Variants in DHX37 observed in about 807,000 individuals in gnomAD.
DHX37 encodes DEAH-box helicase 37, also known as probable ATP-dependent RNA helicase DHX37.
In DHX37, 52 loss-of-function variants were observed where a neutral mutation model predicts 134.3. That is an observed-to-expected ratio of 0.39 (90% CI 0.31 to 0.49). The LOEUF is 0.49. Among genes scored for constraint, DHX37 ranks in the 20% least tolerant of loss-of-function variants. The pLI is 0.93. For synonymous variants in DHX37, 634 were observed against 670.7 expected, an observed-to-expected ratio of 0.95 and a Z score of 0.85; for missense variants, 1,344 against 1,580.8, an observed-to-expected ratio of 0.85 and a Z score of 2.54.
intron 5 of DHX37, among the ~76,000 whole-genome samples, chr12:124,976,614 G>C (rs1408617341): frequency 6.6e-6 from 1 of 152,146 alleles, no homozygotes; most frequent in Non-Finnish European, 1.5e-5. Flanking sequence ...CGGATCACGA[G>C]GTCAGGAGAT....
At chr12:124,964,678 C>T (rs188523674) in intron 14 of DHX37, 52 bp from the exon 15 acceptor site, 7 of 1,598,704 alleles carry the variant, frequency 4.4e-6, no homozygotes, top group African/African-American at 4.1e-5. Context: ...GAAAAGAAAT[C>T]GTGGAATGGA....
At chr12:124,964,902 A>G (rs1207058495) in intron 14 of DHX37, 28 bp downstream of exon 14, 1 of 1,569,548 alleles carries the variant, frequency 6.4e-7, no homozygotes, top group Admixed American at 2.0e-5. Flanking sequence ...AGTGCCCCAA[A>G]AGCTGGGCAC....
intron 13 of DHX37, among the ~76,000 whole-genome samples, chr12:124,965,216 C>T (rs1011548187): frequency 4.6e-5 from 7 of 152,318 alleles, no homozygotes; most frequent in African/African-American, 7.2e-5. Context: ...TGCCCTGAAC[C>T]GGATCTGAAC....
intron 9 of DHX37, 50 bp downstream of exon 9, chr12:124,968,817 G>T (rs761072555): frequency 1.2e-6 from 2 of 1,609,930 alleles, no homozygotes; most frequent in Non-Finnish European, 1.7e-6. Context: ...CCGACACCAG[G>T]GCGTCCTTGT....
rs191581032 is a variant in DHX37, at chr12:124,988,981, C to T, written c.42G>A (p.Gln14=). ...LRRRYNIKGR[Q]QAGPGPSKGP... ...CCTTCGAGGGTCCGGGGCCCGCCTGCTGGCGCCCCTTGATGTTGTAGCGCC... is the reference window on the plus strand; with the variant it reads ...CCTTCGAGGGTCCGGGGCCCGCCTGTTGGCGCCCCTTGATGTTGTAGCGCC... The change falls in exon 1 of 27, where the codon CAG becomes CAA. Residue 14 remains glutamine (Q), a synonymous_variant. Coordinates refer to ENST00000308736, the MANE Select transcript of DHX37 (RefSeq NM_032656.4). 1.5e-4 allele frequency: 200 copies of T among 1,359,286 alleles called. No individual in the cohort carries two copies. In the East Asian group the frequency reaches 4.1e-3, roughly 28 times the overall value. The allele number at this position is 1,359,286 out of a possible 1,614,324, so 84.2% of individuals were successfully genotyped here. A position where few individuals can be genotyped will look rare whatever the true frequency, so the allele number is the denominator to read the frequency against.
chr12:124,983,671 G>A (rs1954802728), intron 2 of DHX37, among the ~76,000 whole-genome samples: 1 of 151,684 alleles, frequency 6.6e-6, no homozygotes, highest in Non-Finnish European at 1.5e-5. Context: ...TGTGGTACCA[G>A]CTACCCGGGA....
Position 124,980,522 on chromosome 12 carries a change from A to C in DHX37, c.706T>G (p.Phe236Val). Residue 236 changes from phenylalanine to valine, a missense_variant, in exon 4 of 27, where the codon TTC becomes GTC. Around this residue, in one of 7 missense-constraint regions of DHX37, gnomAD observed 77 missense variants for 121.6 expected, o/e 0.63. Transcript: ENST00000308736. The surrounding 1 kb of genome is among the most constrained non-coding windows in gnomAD (Gnocchi z 5.3). ...LPRALAKPAV[F>V]IPVNRSPEMQ... is the part of the protein sequence containing the mutation. ...TCCGGGGAGCGGTTCACGGGGATGA[A>C]GACGGCGGGCTTAGCCAGGGCCCTG... The C allele has an allele frequency of 6.2e-7, 1 of 1,611,588 alleles. No individual in the cohort carries two copies.
chr12:124,979,184 T>C (rs1177634768), intron 4 of DHX37, among the ~76,000 whole-genome samples: 1 of 152,092 alleles, frequency 6.6e-6, no homozygotes, highest in Non-Finnish European at 1.5e-5. Flanking sequence ...CTGGGCAACA[T>C]GGCAAAACCC....
rs781443402 is a variant in DHX37 at position 124,960,463 on chromosome 12, C to A, written c.2046-40G>T. On this transcript the variant is annotated intron_variant, in intron 15 of 26. Transcript: ENST00000308736. ...ACCGGGACAACAAACACAAAACTCACACCAAAAACCACAGATGAATACAGC... is the reference window on the plus strand; with the variant it reads ...ACCGGGACAACAAACACAAAACTCAAACCAAAAACCACAGATGAATACAGC... The A allele has an allele frequency of 2.5e-6, 4 of 1,600,182 alleles. No individual in the cohort carries two copies. In the South Asian group the frequency reaches 4.4e-5, roughly 18 times the overall value.
chr12:124,959,383 AT>A lies in DHX37; in HGVS notation c.2157+928del, dbSNP rs35713321. On this transcript the variant is annotated intron_variant, in intron 16 of 26. Transcript: ENST00000308736. Reference sequence around the variant, plus strand: ...CCACCACGCCCAGCCTCCCTGGCTAATTTTTTTTTTTGTATTTTTAGTAGAG... The same window carrying A: ...CCACCACGCCCAGCCTCCCTGGCTAATTTTTTTTTTGTATTTTTAGTAGAG... 3.1e-3 allele frequency among the ~76,000 whole-genome samples: 459 copies of A among 148,412 alleles called. 3 individuals carry two copies. The highest frequency in any genetic ancestry group is 0.01 in the African/African-American group (415 of 40,518).
At chr12:124,968,775 CCT>C in intron 9 of DHX37, 90 bp downstream of exon 9, 4 of 1,596,988 alleles carry the variant, frequency 2.5e-6, no homozygotes, top group Middle Eastern at 1.7e-4. Context: ...GTCAATCCCC[CCT>C]GTGACCAAGT....
rs201028583 is a variant in DHX37, at chr12:124,982,669, C to T, written c.277-46G>A. 3.2e-5 allele frequency: 51 copies of T among 1,598,140 alleles called. No homozygotes were observed. In the East Asian group the frequency reaches 1.1e-3, roughly 35 times the overall value. On this transcript the variant is annotated intron_variant, in intron 2 of 26. Coordinates refer to ENST00000308736, the MANE Select transcript of DHX37 (RefSeq NM_032656.4). The stretch of plus-strand genomic sequence containing the variant: ...ATTATGCATTTGCCATCACGACCCT[C>T]TCTTAAGAAGGGAAGTGAGACTGTA...
chr12:124,975,389 T>C (rs771250469), intron 6 of DHX37, 30 bp downstream of exon 6: 12 of 1,608,588 alleles, frequency 7.5e-6, no homozygotes, highest in East Asian at 2.2e-5. Flanking sequence ...GACCACCCCA[T>C]AGTCCGCCCC....
chr12:124,970,220 C>T (rs558912623), intron 8 of DHX37, among the ~76,000 whole-genome samples: 117 of 152,290 alleles, frequency 7.7e-4, no homozygotes, highest in African/African-American at 2.4e-3. Context: ...GTGATCCACC[C>T]GCCTCAGCAT....
At chr12:124,958,910 CTT>C (rs35528941) in intron 16 of DHX37, among the ~76,000 whole-genome samples, 16,175 of 122,274 alleles carry the variant, frequency 0.13, 2,214 homozygotes, top group African/African-American at 0.37. Context: ...ATGCACCCAG[CTT>C]TTTTTTTTTT....
In DHX37 at chr12:124,975,308, T is replaced by G. The variant is rs899494949; in HGVS notation, c.980+111A>C. ...CCAGTGCTACATGCAGAGGTGACAC[T>G]CCACCCAGCACCCTCGGCACAGATG... On this transcript the variant is annotated intron_variant, in intron 6 of 26. Coordinates refer to ENST00000308736, the MANE Select transcript of DHX37 (RefSeq NM_032656.4). 4.5e-6 allele frequency: 5 copies of G among 1,110,762 alleles called. No homozygotes were observed. In the East Asian group the frequency reaches 1.2e-4, roughly 27 times the overall value. 68.8% of individuals were successfully genotyped at this position (1,110,762 alleles called of 1,614,324 possible).
intron 15 of DHX37, among the ~76,000 whole-genome samples, chr12:124,961,360 C>A (rs565752928): frequency 6.6e-6 from 1 of 151,904 alleles, no homozygotes; most frequent in African/African-American, 2.4e-5. Context: ...TTACAGCACA[C>A]GGATTAGGAG....
chr12:124,982,761 T>G, intron 2 of DHX37, 138 bp from the exon 3 acceptor site: 1 of 1,198,566 alleles, frequency 8.3e-7, no homozygotes. Context: ...ATTCTACTGG[T>G]GCATGGTGTT....
chr12:124,955,814 C>T (rs376301578), intron 18 of DHX37, among the ~76,000 whole-genome samples: 8 of 151,614 alleles, frequency 5.3e-5, no homozygotes, highest in Non-Finnish European at 7.4e-5. Context: ...AGTTTGTTGC[C>T]GTAACTGCCA....
Sources: gnomAD v4.1 joint callset for allele counts (sites outside exome capture counted in the v4.1 genomes callset) on GRCh38, gnomAD v4.1.1 for gene constraint, gnomAD v4.1.1 regional missense constraint, Gnocchi (gnomAD v3.1) non-coding constraint, MANE v1.5 for transcripts, NCBI Gene and HGNC (gene_info 2026-07-23, HGNC 2026-07-21) for gene names.